SH3GL1: variants seen among roughly 807,000 people sequenced by gnomAD.
SH3GL1 encodes the protein SH3 domain containing GRB2 like 1, endophilin A2, also known as endophilin-A2.
A neutral mutation model predicts 48.8 loss-of-function variants in SH3GL1; 21 were observed. The observed-to-expected ratio is 0.43, with a 90% CI of 0.30 to 0.62. SH3GL1 has a LOEUF of 0.62. SH3GL1 is among the 20% of genes least tolerant of loss of function. The pLI is 0.11. For synonymous variants in SH3GL1, 282 were observed against 217.5 expected, an observed-to-expected ratio of 1.30 and a Z score of -2.61; for missense variants, 454 against 503.0, an observed-to-expected ratio of 0.90 and a Z score of 0.93.
rs373324973 is a variant in SH3GL1, at chr19:4,364,866, T to TTGTGTGTGTGTGTGTGTGTGTG, written c.331+594_331+615dup. ...GGCATGCACTACCACACCCGGCTAA[T>TTGTGTGTGTGTGTGTGTGTGTG]TGTGTGTGTGTGTGTGTGTGTGTGT... is the stretch of plus-strand genomic sequence containing the variant. On this transcript the variant is annotated intron_variant, in intron 4 of 9. Coordinates refer to ENST00000269886, the MANE Select transcript of SH3GL1 (RefSeq NM_003025.4). Among the ~76,000 whole-genome samples, 352 of 97,020 alleles carry TTGTGTGTGTGTGTGTGTGTGTG rather than the reference T, an allele frequency of 3.6e-3. 1 individual carries two copies. The highest frequency in any genetic ancestry group is 4.5e-3 in the Non-Finnish European group (243 of 53,976). 63.6% of individuals were successfully genotyped at this position (97,020 alleles called of 152,430 possible). A position where few individuals can be genotyped will look rare whatever the true frequency, so the allele number is the denominator to read the frequency against.
chr19:4,380,686 T>C (rs1285672402), intron 1 of SH3GL1, among the ~76,000 whole-genome samples: 1 of 152,170 alleles, frequency 6.6e-6, no homozygotes. Flanking sequence ...CTCTGGTGTT[T>C]CTGGGGTGTG....
intron 1 of SH3GL1, among the ~76,000 whole-genome samples, chr19:4,379,562 G>A (rs1973079193): frequency 1.3e-5 from 2 of 152,074 alleles, no homozygotes; most frequent in South Asian, 2.1e-4. Flanking sequence ...TGCCACAGCC[G>A]CTGCGCCCTC....
chr19:4,368,914 A>C (rs545788915), intron 1 of SH3GL1, among the ~76,000 whole-genome samples: 1 of 152,262 alleles, frequency 6.6e-6, no homozygotes, highest in East Asian at 1.9e-4. Context: ...TACTAAAAAT[A>C]CAAAAAAATT....
At chr19:4,362,903 C>T (rs1972663100) in intron 7 of SH3GL1, among the ~76,000 whole-genome samples, 167 bp from the exon 8 acceptor site, 1 of 152,146 alleles carries the variant, frequency 6.6e-6, no homozygotes, top group South Asian at 2.1e-4. Flanking sequence ...GGATGTCTAC[C>T]CAGAGGGCCT....
intron 1 of SH3GL1, among the ~76,000 whole-genome samples, chr19:4,385,446 G>C (rs556879827): frequency 2.4e-4 from 36 of 152,304 alleles, no homozygotes; most frequent in African/African-American, 8.7e-4. Context: ...TGGAAGGAGG[G>C]CGACCCCCTA....
chr19:4,363,167 AG>A (rs1972671731), intron 7 of SH3GL1, among the ~76,000 whole-genome samples: 1 of 152,174 alleles, frequency 6.6e-6, no homozygotes, highest in Non-Finnish European at 1.5e-5. Context: ...GCATCGGGGC[AG>A]GGCTGGGTGT....
intron 1 of SH3GL1, among the ~76,000 whole-genome samples, chr19:4,388,064 T>C (rs1486321179): frequency 1.3e-5 from 2 of 152,076 alleles, no homozygotes; most frequent in Non-Finnish European, 2.9e-5. Flanking sequence ...TTTCACCATG[T>C]TGGCCAGTCT....
At chr19:4,369,583 G>A (rs1352527100) in intron 1 of SH3GL1, among the ~76,000 whole-genome samples, 1 of 152,280 alleles carries the variant, frequency 6.6e-6, no homozygotes, top group East Asian at 1.9e-4. Context: ...GGAGGGGCTG[G>A]GGACCCGCCA....
At chr19:4,366,742 G>C (rs572052509) in intron 2 of SH3GL1, among the ~76,000 whole-genome samples, 169 bp from the exon 3 acceptor site, 44 of 152,108 alleles carry the variant, frequency 2.9e-4, no homozygotes, top group African/African-American at 9.9e-4. Flanking sequence ...CCCACGGCAG[G>C]GGAGAGAGCT....
chr19:4,370,118 G>C (rs1183470844), intron 1 of SH3GL1, among the ~76,000 whole-genome samples: 1 of 152,216 alleles, frequency 6.6e-6, no homozygotes, highest in Non-Finnish European at 1.5e-5. Flanking sequence ...GGGCGCCTCT[G>C]GGCTCGCTGT....
chr19:4,376,579 T>C lies in SH3GL1; in HGVS notation c.46-9585A>G, dbSNP rs1204210185. On this transcript the variant is annotated intron_variant, in intron 1 of 9. Coordinates refer to ENST00000269886, the MANE Select transcript of SH3GL1 (RefSeq NM_003025.4). The surrounding 1 kb of genome is among the most constrained non-coding windows in gnomAD (Gnocchi z 4.3). ...CTCCCAACACACCACTGATGCCTCC[T>C]CTCTCGTGCGCCTGCCCCTTCACAC... 2.6e-5 allele frequency among the ~76,000 whole-genome samples: 4 copies of C among 152,084 alleles called. No homozygotes were observed. The highest frequency in any genetic ancestry group is 2.9e-5 in the Non-Finnish European group (2 of 67,970).
At chr19:4,375,585 GATGC>G (rs1393310165) in intron 1 of SH3GL1, among the ~76,000 whole-genome samples, 1 of 152,188 alleles carries the variant, frequency 6.6e-6, no homozygotes, top group Admixed American at 6.5e-5. Flanking sequence ...CAAACATGGA[GATGC>G]CAGTGAGTGC....
intron 1 of SH3GL1, among the ~76,000 whole-genome samples, chr19:4,384,057 G>A (rs369296751): frequency 1.8e-4 from 28 of 152,344 alleles, no homozygotes; most frequent in Middle Eastern, 3.4e-3. Context: ...GAGCACGTGA[G>A]TCCTGGCCCA....
At chr19:4,399,674 G>C (rs1018520167) in intron 1 of SH3GL1, among the ~76,000 whole-genome samples, 4 of 152,172 alleles carry the variant, frequency 2.6e-5, no homozygotes, top group African/African-American at 9.7e-5. Flanking sequence ...GCCGACGGAG[G>C]GGGAGAAATC....
chr19:4,399,298 C>G (rs1416293964), intron 1 of SH3GL1, among the ~76,000 whole-genome samples: 4 of 114,508 alleles, frequency 3.5e-5, no homozygotes, highest in Non-Finnish European at 6.5e-5. Flanking sequence ...CCAGCTGGGG[C>G]GACAGAGCAT....
chr19:4,388,691 A>T (rs1231680779), intron 1 of SH3GL1, among the ~76,000 whole-genome samples: 1 of 152,166 alleles, frequency 6.6e-6, no homozygotes, highest in African/African-American at 2.4e-5. Context: ...GGAACCACCA[A>T]CTCTGAGCAG....
Position 4,367,502 on chromosome 19 carries a change from C to T in SH3GL1, c.46-508G>A, listed in dbSNP as rs922430054. Among the ~76,000 whole-genome samples the T allele has an allele frequency of 1.3e-5, 2 of 152,132 alleles. No homozygotes were observed. The highest frequency in any genetic ancestry group is 4.8e-5 in the African/African-American group (2 of 41,414). ...ACGAGAAGAGGTGCAGGCAGCCGGG[C>T]AGGGAGGCCGCCATTCTCCTGTGCT... is the stretch of plus-strand genomic sequence containing the variant. On this transcript the variant is annotated intron_variant, in intron 1 of 9. Transcript: ENST00000269886. This position sits in a 1 kb window ranked among gnomAD's most constrained non-coding sequence, Gnocchi z 4.2.
At chr19:4,382,486 T>C (rs912308605) in intron 1 of SH3GL1, among the ~76,000 whole-genome samples, 1 of 151,968 alleles carries the variant, frequency 6.6e-6, no homozygotes, top group Non-Finnish European at 1.5e-5. Context: ...CTCGATCTCC[T>C]GACCTCGTGA....
chr19:4,399,400 G>C (rs1017444844), intron 1 of SH3GL1, among the ~76,000 whole-genome samples: 3 of 151,534 alleles, frequency 2.0e-5, no homozygotes, highest in Admixed American at 6.6e-5. Context: ...GAAAGGAAGG[G>C]AGGAAGGAAA....
Sources: gnomAD v4.1 joint callset for allele counts (sites outside exome capture counted in the v4.1 genomes callset) on GRCh38, gnomAD v4.1.1 for gene constraint, Gnocchi (gnomAD v3.1) non-coding constraint, MANE v1.5 for transcripts, NCBI Gene and HGNC (gene_info 2026-07-23, HGNC 2026-07-21) for gene names.